Variants in PALD1 observed in about 807,000 individuals in gnomAD.
PALD1 encodes paladin.
A neutral mutation model predicts 96.0 loss-of-function variants in PALD1; 57 were observed. The ratio of observed to expected loss-of-function variants is 0.59; its 90% CI spans 0.48 to 0.74. The LOEUF is 0.74. Ranked by LOEUF, PALD1 falls within the 30% of genes least tolerant of loss-of-function variation. The probability of loss-of-function intolerance (pLI) is 0.00; values close to 1 mark genes in which losing one functional copy is unlikely to be tolerated. For synonymous variants in PALD1, 464 were observed against 473.6 expected (o/e 0.98, Z 0.26); for missense variants, 1,063 against 1,143.7 (o/e 0.93, Z 1.02).
chr10:70,502,062 A>G (rs187110710), intron 1 of PALD1, among the ~76,000 whole-genome samples: 120 of 151,744 alleles, frequency 7.9e-4, no homozygotes, highest in African/African-American at 2.6e-3. Flanking sequence ...GCCCTGGGAG[A>G]CTGAGGCAGG....
At chr10:70,544,680 G>C (rs532691658) in intron 17 of PALD1, among the ~76,000 whole-genome samples, 1 of 152,176 alleles carries the variant, frequency 6.6e-6, no homozygotes, top group Non-Finnish European at 1.5e-5. Context: ...CAGAGGCCAG[G>C]AGTTGGGTTC....
At chr10:70,477,777 C>G (rs888504562), upstream of PALD1, among the ~76,000 whole-genome samples, 4 of 152,306 alleles carry the variant, frequency 2.6e-5, no homozygotes, top group African/African-American at 9.6e-5. Context: ...AACCCCAGCT[C>G]GCCGAAATCC....
intron 10 of PALD1, among the ~76,000 whole-genome samples, chr10:70,535,551 CCT>C (rs1259594326): frequency 1.2e-4 from 16 of 132,088 alleles, no homozygotes; most frequent in African/African-American, 4.6e-4. Context: ...TCCTCCTCCT[CCT>C]TCCTCCTCCT....
chr10:70,459,081 C>T, the PALD1 span, among the ~76,000 whole-genome samples: 1 of 139,936 alleles, frequency 7.1e-6, no homozygotes, highest in Non-Finnish European at 1.6e-5. Context: ...CTTCACCCTT[C>T]CCCCATCCCA....
intron 1 of PALD1, among the ~76,000 whole-genome samples, chr10:70,483,718 G>A (rs1845971480): frequency 6.6e-6 from 1 of 152,260 alleles, no homozygotes; most frequent in African/African-American, 2.4e-5. Context: ...ATTTTTCGAA[G>A]ATTCTGTTTG....
intron 1 of PALD1, among the ~76,000 whole-genome samples, chr10:70,496,193 C>T (rs768186647): frequency 5.3e-5 from 8 of 152,172 alleles, no homozygotes; most frequent in Non-Finnish European, 7.4e-5. Context: ...TGTTTCCACA[C>T]ACAGCCTGTT....
chr10:70,555,857 C>CGT (rs1847598300), intron 18 of PALD1, among the ~76,000 whole-genome samples: 1 of 152,078 alleles, frequency 6.6e-6, no homozygotes, highest in Non-Finnish European at 1.5e-5. Flanking sequence ...AAAAATTAGC[C>CGT]GCGCGAGGTG....
the PALD1 span, among the ~76,000 whole-genome samples, chr10:70,471,498 A>G: frequency 1.3e-5 from 2 of 151,882 alleles, no homozygotes; most frequent in Admixed American, 1.3e-4. Context: ...CTTGCCCTTT[A>G]CTCTAGCAAG....
intron 1 of PALD1, among the ~76,000 whole-genome samples, chr10:70,489,415 T>A (rs181899267): frequency 1.3e-5 from 2 of 152,350 alleles, no homozygotes; most frequent in African/African-American, 4.8e-5. Flanking sequence ...AACTTAACAG[T>A]ACAAAGTAGT....
the PALD1 span, among the ~76,000 whole-genome samples, chr10:70,459,366 A>G: frequency 1.3e-5 from 2 of 152,024 alleles, no homozygotes; most frequent in African/African-American, 4.8e-5. Context: ...CCCGGACCTA[A>G]TTTTTGCATT....
the PALD1 span, among the ~76,000 whole-genome samples, chr10:70,472,565 CTGAGT>C: frequency 6.6e-6 from 1 of 152,062 alleles, no homozygotes; most frequent in Non-Finnish European, 1.5e-5. Flanking sequence ...CTGGCCAGAT[CTGAGT>C]TATTTAAAGG....
chr10:70,504,731 G>T (rs1846353996), intron 1 of PALD1, among the ~76,000 whole-genome samples: 1 of 152,198 alleles, frequency 6.6e-6, no homozygotes, highest in African/African-American at 2.4e-5. Context: ...TCTCATGCCT[G>T]CCTCTGCATT....
the PALD1 span, among the ~76,000 whole-genome samples, chr10:70,470,286 A>G: frequency 6.6e-6 from 1 of 152,220 alleles, no homozygotes; most frequent in Non-Finnish European, 1.5e-5. Flanking sequence ...CAATTATACT[A>G]TTCTCTACAT....
chr10:70,560,843 C>T (rs1847723184), intron 18 of PALD1, among the ~76,000 whole-genome samples: 1 of 152,114 alleles, frequency 6.6e-6, no homozygotes, highest in South Asian at 2.1e-4. Context: ...GGCTCCACCA[C>T]AGCTAATGAC....
intron 10 of PALD1, among the ~76,000 whole-genome samples, chr10:70,537,520 G>T (rs1030360329): frequency 1.3e-5 from 2 of 152,354 alleles, no homozygotes; most frequent in South Asian, 4.1e-4. Flanking sequence ...AAGTGAGGGA[G>T]CCCCTGCCTG....
At chr10:70,532,559 G>A (rs936157015) in intron 5 of PALD1, 62 bp from the exon 6 acceptor site, 9 of 1,549,524 alleles carry the variant, frequency 5.8e-6, no homozygotes, top group Non-Finnish European at 6.2e-6. Context: ...GCTCAGCCAG[G>A]ACACTCAGGG....
Position 70,533,920 on chromosome 10 carries a change from A to T in PALD1, c.871-2A>T, listed in dbSNP as rs1201128916. On this transcript the variant is annotated splice_acceptor_variant, in intron 7 of 19. Coordinates refer to ENST00000263563, the MANE Select transcript of PALD1 (RefSeq NM_014431.3). LOFTEE classifies it high-confidence loss of function. Reference sequence around the variant, plus strand: ...GGGCCTGATCCTCATGGTCTTTCCCAGGAGACCCCCAGCCTGCTGCAGCTC... The same window carrying T: ...GGGCCTGATCCTCATGGTCTTTCCCTGGAGACCCCCAGCCTGCTGCAGCTC... The T allele has an allele frequency of 6.3e-7, 1 of 1,583,588 alleles. No homozygotes were observed. Among genetic ancestry groups the T allele is most frequent in the African/African-American group, 1.4e-5 (1 of 73,934 alleles).
intron 18 of PALD1, among the ~76,000 whole-genome samples, chr10:70,553,611 T>G (rs7084602): frequency 0.47 from 70,790 of 152,060 alleles, 17,084 homozygotes; most frequent in East Asian, 0.84. Context: ...TAAAGGGTGT[T>G]CTAATGTTGG....
At position 70,480,113 on chromosome 10, in the gene PALD1, G is replaced by A. The variant is rs542529522; in HGVS notation, c.-30+1054G>A. On this transcript the variant is annotated intron_variant, in intron 1 of 19. Transcript: ENST00000263563. ...GCTGAAATGTTCCAGCTCCATGCCC[G>A]CCCTTCCTTATTACCTTGCTCCAAG... Among the ~76,000 whole-genome samples the A allele has an allele frequency of 9.8e-5, 15 of 152,340 alleles. No individual in the cohort carries two copies. In the South Asian group the frequency reaches 2.9e-3, roughly 29 times the overall value.
Sources: gnomAD v4.1 joint callset for allele counts (sites outside exome capture counted in the v4.1 genomes callset) on GRCh38, gnomAD v4.1.1 for gene constraint, MANE v1.5 for transcripts, NCBI Gene and HGNC (gene_info 2026-07-23, HGNC 2026-07-21) for gene names.